Variants in EDIL3 observed in about 807,000 individuals in gnomAD.
EDIL3 encodes EGF-like repeat and discoidin I-like domain-containing protein 3.
In EDIL3, 37 loss-of-function variants were observed where a neutral mutation model predicts 67.4. The observed-to-expected ratio is 0.55, with a 90% confidence interval of 0.42 to 0.72. EDIL3 has a LOEUF of 0.72. Ranked by LOEUF, EDIL3 falls within the 30% of genes least tolerant of loss-of-function variation. The pLI is 0.00. For missense variants in EDIL3, 527 were observed against 586.3 expected (o/e 0.90, Z 1.04); for synonymous variants, 195 against 196.3 (o/e 0.99, Z 0.05).
chr5:84,135,939 A>G (rs1362443411), intron 5 of EDIL3, among the ~76,000 whole-genome samples: 1 of 151,942 alleles, frequency 6.6e-6, no homozygotes, highest in Non-Finnish European at 1.5e-5. Flanking sequence ...TTATTTATAT[A>G]TACTTATATA....
chr5:84,191,280 G>A (rs1164444459), intron 3 of EDIL3, among the ~76,000 whole-genome samples: 1 of 152,028 alleles, frequency 6.6e-6, no homozygotes, highest in Non-Finnish European at 1.5e-5. Flanking sequence ...GCAGTGGCAG[G>A]AGGTGGAGGA....
chr5:84,239,016 C>G (rs1744740185), intron 2 of EDIL3, among the ~76,000 whole-genome samples: 2 of 152,128 alleles, frequency 1.3e-5, no homozygotes, highest in South Asian at 4.1e-4. Flanking sequence ...ATCTATATAT[C>G]TTTCAAAATT....
At chr5:84,330,345 T>C (rs1746843557) in intron 1 of EDIL3, among the ~76,000 whole-genome samples, 3 of 152,184 alleles carry the variant, frequency 2.0e-5, no homozygotes, top group Non-Finnish European at 4.4e-5. Flanking sequence ...AGAAATGAAG[T>C]TAAGTTAGTC....
At chr5:84,168,204 T>C (rs930469035) in intron 4 of EDIL3, among the ~76,000 whole-genome samples, 7 of 152,278 alleles carry the variant, frequency 4.6e-5, no homozygotes, top group African/African-American at 1.7e-4. Context: ...CAAATGTAAA[T>C]GATGTTCTAT....
chr5:84,065,368 A>T (rs995759587), intron 7 of EDIL3, among the ~76,000 whole-genome samples: 1 of 152,162 alleles, frequency 6.6e-6, no homozygotes, highest in Non-Finnish European at 1.5e-5. Context: ...TCCTTATTAA[A>T]ATTTCCAGCT....
intron 5 of EDIL3, among the ~76,000 whole-genome samples, chr5:84,130,309 C>T (rs1279098351): frequency 6.6e-6 from 1 of 152,122 alleles, no homozygotes; most frequent in African/African-American, 2.4e-5. Flanking sequence ...ATTTCAATTA[C>T]CATTGTTGTC....
At chr5:84,344,952 G>C (rs1300097992) in intron 1 of EDIL3, among the ~76,000 whole-genome samples, 2 of 152,174 alleles carry the variant, frequency 1.3e-5, no homozygotes, top group East Asian at 3.9e-4. Context: ...TTATACCAAA[G>C]CAAATTGGTG....
chr5:84,074,541 C>T (rs1253877724), intron 6 of EDIL3, among the ~76,000 whole-genome samples: 12 of 151,926 alleles, frequency 7.9e-5, no homozygotes, highest in Admixed American at 2.0e-4. Context: ...GGGCAAAGGA[C>T]ATGAACAGAC....
At chr5:84,041,785 A>G (rs1746130917) in intron 9 of EDIL3, among the ~76,000 whole-genome samples, 1 of 151,706 alleles carries the variant, frequency 6.6e-6, no homozygotes, top group Non-Finnish European at 1.5e-5. Flanking sequence ...ATTTTCCCAC[A>G]TCGTAAGGCA....
At chr5:83,943,801 C>T (rs1369683305) in intron 10 of EDIL3, among the ~76,000 whole-genome samples, 1 of 151,876 alleles carries the variant, frequency 6.6e-6, no homozygotes, top group East Asian at 1.9e-4. Context: ...ATAGGTCTAT[C>T]ATTTTCCTCT....
At chr5:84,147,955 C>T (rs1445434949) in intron 4 of EDIL3, among the ~76,000 whole-genome samples, 1 of 152,024 alleles carries the variant, frequency 6.6e-6, no homozygotes, top group South Asian at 2.1e-4. Flanking sequence ...CTTCTATATT[C>T]TGATATCTTT....
At chr5:84,327,289 G>A (rs1746782725) in intron 1 of EDIL3, among the ~76,000 whole-genome samples, 1 of 151,598 alleles carries the variant, frequency 6.6e-6, no homozygotes, top group Non-Finnish European at 1.5e-5. Flanking sequence ...TGTTCCTACT[G>A]TTCATTTTTT....
chr5:84,364,046 C>G (rs1301399492), intron 1 of EDIL3, among the ~76,000 whole-genome samples: 1 of 152,006 alleles, frequency 6.6e-6, no homozygotes, highest in African/African-American at 2.4e-5. Context: ...GTAAAATATA[C>G]AAACACAACC....
At chr5:84,113,421 T>G (rs959163812) in intron 5 of EDIL3, among the ~76,000 whole-genome samples, 1 of 152,170 alleles carries the variant, frequency 6.6e-6, no homozygotes, top group Non-Finnish European at 1.5e-5. Context: ...CACCCTGCTG[T>G]TCAGACTAAT....
intron 6 of EDIL3, among the ~76,000 whole-genome samples, chr5:84,102,068 C>A (rs1747377170): frequency 6.6e-6 from 1 of 151,956 alleles, no homozygotes; most frequent in Non-Finnish European, 1.5e-5. Context: ...AAGACAAAAA[C>A]CACATGATCA....
intron 9 of EDIL3, among the ~76,000 whole-genome samples, chr5:83,977,400 C>A (rs1357671371): frequency 1.3e-5 from 2 of 151,734 alleles, no homozygotes; most frequent in Admixed American, 1.3e-4. Context: ...GATTCTCAAT[C>A]AATTTTTTTT....
chr5:84,328,944 A>G (rs1035200550), intron 1 of EDIL3, among the ~76,000 whole-genome samples: 3 of 152,052 alleles, frequency 2.0e-5, no homozygotes, highest in Admixed American at 6.6e-5. Flanking sequence ...AAAGAACCAC[A>G]GTTTTTTGCC....
At chr5:83,951,575 T>TA (rs1271556486) in intron 10 of EDIL3, among the ~76,000 whole-genome samples, 1 of 151,726 alleles carries the variant, frequency 6.6e-6, no homozygotes, top group East Asian at 1.9e-4. Flanking sequence ...TTTTTTTCCC[T>TA]ACCCTGGCAA....
chr5:84,256,140 CT>C (rs1174347700), intron 1 of EDIL3, among the ~76,000 whole-genome samples: 6 of 98,982 alleles, frequency 6.1e-5, no homozygotes, highest in African/African-American at 2.0e-4. Context: ...ATCTATCTAT[CT>C]ATCTATCATC....
Sources: gnomAD v4.1 joint callset for allele counts (sites outside exome capture counted in the v4.1 genomes callset) on GRCh38, gnomAD v4.1.1 for gene constraint, MANE v1.5 for transcripts, NCBI Gene and HGNC (gene_info 2026-07-23, HGNC 2026-07-21) for gene names.